The following EYA4 variants were observed in gnomAD, a reference collection of about 807,000 sequenced individuals.
EYA4 encodes the protein EYA transcriptional coactivator and phosphatase 4.
A neutral mutation model predicts 87.9 loss-of-function variants in EYA4; 31 were observed. The observed-to-expected ratio is 0.35, with a 90% CI of 0.27 to 0.48. The LOEUF (loss-of-function observed/expected upper bound fraction) is 0.48, where lower values mean the gene tolerates loss of function less well. Ranked by LOEUF, EYA4 falls within the 20% of genes least tolerant of loss-of-function variation. The pLI is 0.99. For missense variants in EYA4, 678 were observed against 761.4 expected, an observed-to-expected ratio of 0.89 and a Z score of 1.29; for synonymous variants, 263 against 270.6, an observed-to-expected ratio of 0.97 and a Z score of 0.28.
At chr6:133,287,790 G>C (rs542440150) in intron 2 of EYA4, among the ~76,000 whole-genome samples, 1 of 152,158 alleles carries the variant, frequency 6.6e-6, no homozygotes, top group African/African-American at 2.4e-5. Context: ...TTGAGAGTAC[G>C]AGAGATGGCT....
chr6:133,369,744 T>A (rs1785126363), intron 2 of EYA4, among the ~76,000 whole-genome samples: 1 of 152,226 alleles, frequency 6.6e-6, no homozygotes, highest in African/African-American at 2.4e-5. Context: ...TTTAAAGAAA[T>A]TTAAAGTAAA....
At chr6:133,404,760 T>A (rs765248833) in intron 3 of EYA4, among the ~76,000 whole-genome samples, 2 of 152,220 alleles carry the variant, frequency 1.3e-5, no homozygotes, top group Non-Finnish European at 2.9e-5. Context: ...TCATTGAGTT[T>A]CGGGATGTCC....
At chr6:133,419,949 G>C (rs982497187) in intron 3 of EYA4, among the ~76,000 whole-genome samples, 5 of 152,134 alleles carry the variant, frequency 3.3e-5, no homozygotes, top group African/African-American at 2.4e-5. Flanking sequence ...TATTAGTTTT[G>C]CTTGAGGTCC....
At chr6:133,321,548 C>A (rs759838031) in intron 2 of EYA4, among the ~76,000 whole-genome samples, 3 of 152,200 alleles carry the variant, frequency 2.0e-5, no homozygotes, top group Admixed American at 1.3e-4. Flanking sequence ...AGACAAGGAA[C>A]TTTCCCCCTT....
chr6:133,443,160 A>G (rs1007926775), intron 3 of EYA4, among the ~76,000 whole-genome samples: 6 of 151,644 alleles, frequency 4.0e-5, no homozygotes, highest in Admixed American at 1.3e-4. Context: ...GTTTCCTTCT[A>G]TTTTTTCTGA....
intron 6 of EYA4, among the ~76,000 whole-genome samples, chr6:133,459,666 A>G (rs1356926111): frequency 2.6e-5 from 4 of 152,142 alleles, no homozygotes; most frequent in Admixed American, 1.3e-4. Context: ...GTGCACATTT[A>G]ATGTCCATTG....
chr6:133,467,161 G>A (rs368554858), intron 10 of EYA4, among the ~76,000 whole-genome samples: 4 of 152,200 alleles, frequency 2.6e-5, no homozygotes, highest in Admixed American at 6.5e-5. Context: ...TCCCCAGTGG[G>A]GAATAGCCTG....
At chr6:133,410,336 A>G (rs771439581) in intron 3 of EYA4, among the ~76,000 whole-genome samples, 14 of 152,084 alleles carry the variant, frequency 9.2e-5, no homozygotes, top group Non-Finnish European at 1.8e-4. Flanking sequence ...TTTCTTAAAT[A>G]TAGATTACTT....
At chr6:133,288,366 T>C (rs1285298218) in intron 2 of EYA4, among the ~76,000 whole-genome samples, 4 of 152,108 alleles carry the variant, frequency 2.6e-5, no homozygotes, top group Non-Finnish European at 5.9e-5. Context: ...AATAAAGCTT[T>C]GCTGAACTTG....
intron 2 of EYA4, among the ~76,000 whole-genome samples, chr6:133,374,255 A>G (rs1322014997): frequency 6.6e-6 from 1 of 152,076 alleles, no homozygotes; most frequent in African/African-American, 2.4e-5. Context: ...CTATTGTGAC[A>G]GTTGTAGTTG....
In EYA4 at chr6:133,312,409, CAG is replaced by C. The variant is rs1004008733; in HGVS notation, c.33+37600_33+37601del. 9.9e-4 allele frequency among the ~76,000 whole-genome samples: 147 copies of C among 148,730 alleles called. No individual in the cohort carries two copies. In the Middle Eastern group the frequency reaches 0.01, roughly 11 times the overall value. On this transcript the variant is annotated intron_variant, in intron 2 of 19. Coordinates refer to ENST00000355286, the MANE Select transcript of EYA4 (RefSeq NM_004100.5). ...ACACACACACACACACACACACACA[CAG>C]AGATAAAGCAAGAGAATATGAGATC...
chr6:133,324,988 G>A (rs956810786), intron 2 of EYA4, among the ~76,000 whole-genome samples: 7 of 136,260 alleles, frequency 5.1e-5, no homozygotes, highest in Non-Finnish European at 1.1e-4. Flanking sequence ...TCGGTTCACT[G>A]CAAGCTCCAC....
intron 2 of EYA4, among the ~76,000 whole-genome samples, chr6:133,296,756 T>C (rs1289424993): frequency 6.6e-6 from 1 of 152,182 alleles, no homozygotes; most frequent in Non-Finnish European, 1.5e-5. Context: ...CTTTCTCCTT[T>C]TTCATTCATC....
chr6:133,327,442 T>G (rs1562293632), intron 2 of EYA4, among the ~76,000 whole-genome samples: 1 of 152,138 alleles, frequency 6.6e-6, no homozygotes, highest in Admixed American at 6.6e-5. Context: ...TTTAAAATAT[T>G]TTTTTAAGGA....
intron 13 of EYA4, among the ~76,000 whole-genome samples, chr6:133,504,730 G>T (rs1346084131): frequency 6.6e-6 from 1 of 152,160 alleles, no homozygotes; most frequent in African/African-American, 2.4e-5. Flanking sequence ...TGGAGGTGTG[G>T]AATGAAGAGT....
chr6:133,455,064 T>G (rs767845605), intron 5 of EYA4, among the ~76,000 whole-genome samples: 1 of 152,156 alleles, frequency 6.6e-6, no homozygotes, highest in Non-Finnish European at 1.5e-5. Context: ...TAGAGTTGTT[T>G]TAAGGATTAG....
At chr6:133,527,662 T>C (rs1440932894) in intron 19 of EYA4, among the ~76,000 whole-genome samples, 1 of 152,214 alleles carries the variant, frequency 6.6e-6, no homozygotes, top group East Asian at 1.9e-4. Context: ...ACATTTCAAG[T>C]GCTCAATAGC....
At chr6:133,443,430 A>T (rs1426326436) in intron 3 of EYA4, among the ~76,000 whole-genome samples, 2 of 152,042 alleles carry the variant, frequency 1.3e-5, no homozygotes, top group Non-Finnish European at 2.9e-5. Flanking sequence ...TATAGTTTAT[A>T]ATACTTCCTT....
chr6:133,433,454 C>G (rs1203015105), intron 3 of EYA4, among the ~76,000 whole-genome samples: 1 of 152,234 alleles, frequency 6.6e-6, no homozygotes, highest in Non-Finnish European at 1.5e-5. Flanking sequence ...CTAGTACCCT[C>G]TTTAAGACCT....
Sources: allele counts gnomAD v4.1 joint callset (sites outside exome capture counted in the v4.1 genomes callset), GRCh38; gene constraint gnomAD v4.1.1; transcripts MANE v1.5; gene names NCBI Gene and HGNC (gene_info 2026-07-23, HGNC 2026-07-21).